The following ITGB6 variants were observed in gnomAD, a reference collection of about 807,000 sequenced individuals.
The protein encoded by ITGB6 is integrin beta-6.
Under a neutral mutation model 84.5 loss-of-function variants are expected in ITGB6, and 80 were observed. The ratio of observed to expected loss-of-function variants is 0.95; its 90% CI spans 0.79 to 1.14. The LOEUF (loss-of-function observed/expected upper bound fraction) is 1.14. Among genes scored for constraint, ITGB6 ranks in the 50% most tolerant of loss-of-function variants. The pLI is 0.00. For synonymous variants in ITGB6, 383 were observed against 354.9 expected, an observed-to-expected ratio of 1.08 and a Z score of -0.89; for missense variants, 1,006 against 968.0, an observed-to-expected ratio of 1.04 and a Z score of -0.52.
intron 4 of ITGB6, among the ~76,000 whole-genome samples, chr2:160,178,688 CTTTT>C (rs746675372): frequency 2.3e-4 from 24 of 103,740 alleles, no homozygotes; most frequent in Admixed American, 2.1e-3. Flanking sequence ...CTCTCTCTCT[CTTTT>C]TTTTTTTTTT....
At chr2:160,191,075 T>C (rs1050420931) in intron 4 of ITGB6, among the ~76,000 whole-genome samples, 3 of 152,142 alleles carry the variant, frequency 2.0e-5, no homozygotes, top group Non-Finnish European at 4.4e-5. Context: ...ATTTTAAAAA[T>C]GGGGCCAAAA....
intron 10 of ITGB6, among the ~76,000 whole-genome samples, chr2:160,130,915 A>G (rs1395853806): frequency 6.6e-6 from 1 of 152,180 alleles, no homozygotes; most frequent in African/African-American, 2.4e-5. Context: ...TCCTTCCTGG[A>G]GCAGTAGAAA....
At chr2:160,117,901 A>T (rs565291216) in intron 12 of ITGB6, among the ~76,000 whole-genome samples, 63 of 152,340 alleles carry the variant, frequency 4.1e-4, no homozygotes, top group Admixed American at 2.2e-3. Context: ...ATGCAAATAA[A>T]CTGGAAAATC....
intron 7 of ITGB6, among the ~76,000 whole-genome samples, chr2:160,146,647 G>T (rs1479755431): frequency 1.3e-5 from 2 of 152,020 alleles, no homozygotes; most frequent in Non-Finnish European, 2.9e-5. Flanking sequence ...TTAGCCAGCG[G>T]CTAGCATTCT....
At chr2:160,114,516 G>T (rs1205886062) in intron 12 of ITGB6, among the ~76,000 whole-genome samples, 1 of 152,104 alleles carries the variant, frequency 6.6e-6, no homozygotes, top group African/African-American at 2.4e-5. Context: ...ATACAAAGCA[G>T]GGGGGTGGAG....
chr2:160,134,231 T>C (rs1683606984), intron 10 of ITGB6, among the ~76,000 whole-genome samples: 1 of 152,176 alleles, frequency 6.6e-6, no homozygotes, highest in African/African-American at 2.4e-5. Flanking sequence ...ATATCACCAC[T>C]GATCCCACAG....
intron 10 of ITGB6, among the ~76,000 whole-genome samples, chr2:160,134,375 T>G (rs549351464): frequency 7.2e-5 from 11 of 152,312 alleles, no homozygotes; most frequent in African/African-American, 2.6e-4. Flanking sequence ...AATCTCTGAA[T>G]AGACCAATAA....
rs563005865 is a variant in ITGB6, at chr2:160,195,655, A to T, written c.347-40T>A. 5.6e-6 allele frequency: 9 copies of T among 1,609,832 alleles called. No individual in the cohort carries two copies. The East Asian group carries it at 2.0e-4, about 36-fold the overall frequency. ...AGGAAAAGCAAACCCAGGAAAACACACTGAGATTTATTTGCTACTGGCCAC... is the reference window on the plus strand; with the variant it reads ...AGGAAAAGCAAACCCAGGAAAACACTCTGAGATTTATTTGCTACTGGCCAC... On this transcript the variant is annotated intron_variant, in intron 3 of 14. Coordinates refer to ENST00000283249, the MANE Select transcript of ITGB6 (RefSeq NM_000888.5).
chr2:160,134,882 T>C (rs949084673), intron 10 of ITGB6, among the ~76,000 whole-genome samples: 1 of 152,086 alleles, frequency 6.6e-6, no homozygotes, highest in African/African-American at 2.4e-5. Context: ...TCTCAATAAA[T>C]TAGGTATTGA....
chr2:160,193,989 A>G (rs1574148020), intron 4 of ITGB6, among the ~76,000 whole-genome samples: 1 of 152,090 alleles, frequency 6.6e-6, no homozygotes, highest in Non-Finnish European at 1.5e-5. Flanking sequence ...AAACCCAGTC[A>G]CTACTAAAAA....
rs1684842027 is a variant in ITGB6 at position 160,162,145 on chromosome 2, C to G, written c.1017+7067G>C. 3.3e-5 allele frequency among the ~76,000 whole-genome samples: 5 copies of G among 152,084 alleles called. 1 individual carries two copies. Among genetic ancestry groups the G allele is most frequent in the Admixed American group, 3.3e-4 (5 of 15,264 alleles). ...CAATAGATAAATTCTCTATAAATGG[C>G]AGAGTGCTTCAAGTGCTTAATGCCA... On this transcript the variant is annotated intron_variant, in intron 7 of 14. Transcript: ENST00000283249.
Position 160,150,299 on chromosome 2 carries a change from T to C in ITGB6, c.1018-8228A>G, listed in dbSNP as rs541869048. ...CAAGCCAGAAGAGAGTGGGGGCCAATATTCAACATCCTTAAAGAAAAGAAT... is the reference window on the plus strand; with the variant it reads ...CAAGCCAGAAGAGAGTGGGGGCCAACATTCAACATCCTTAAAGAAAAGAAT... On this transcript the variant is annotated intron_variant, in intron 7 of 14. Coordinates refer to ENST00000283249, the MANE Select transcript of ITGB6 (RefSeq NM_000888.5). Among the ~76,000 whole-genome samples the C allele has an allele frequency of 5.3e-5, 8 of 152,286 alleles. No individual in the cohort carries two copies. In the East Asian group the frequency reaches 1.5e-3, roughly 29 times the overall value.
chr2:160,174,069 T>G lies in ITGB6; in HGVS notation c.664A>C (p.Arg222=), dbSNP rs1685319266. ...TGATTCTTCACAATTTCATTGAATC[T>G]TTCAGCATCATTTGTCAATGGCAAA... The part of the protein sequence containing the change: ...HILPLTNDAE[R]FNEIVKNQKI... Residue 222 remains arginine (R), a synonymous_variant, in exon 5 of 15, where the codon AGA becomes CGA. Coordinates refer to ENST00000283249, the MANE Select transcript of ITGB6 (RefSeq NM_000888.5). The G allele has an allele frequency of 2.5e-6, 4 of 1,613,292 alleles. No homozygotes were observed. The East Asian group carries it at 8.9e-5, about 36-fold the overall frequency.
rs557230094 is a variant in ITGB6 at position 160,137,778 on chromosome 2, C to T, written c.1316G>A (p.Gly439Glu). The change falls in exon 10 of 15, where the codon GGG becomes GAG. Residue 439 changes from glycine to glutamate, a missense_variant. Physicochemically the swap from Gly to Glu is moderately conservative, Grantham distance 98. Coordinates refer to ENST00000283249, the MANE Select transcript of ITGB6 (RefSeq NM_000888.5). Reference protein sequence around the residue: ...RSRHIIIKPVGLGDALELLVS... With the variant: ...RSRHIIIKPVELGDALELLVS... ...AAGTAATTCCAGGGCATCCCCCAGC[C>T]CCACAGGCTTTATGATAATGTGCCT... The T allele has an allele frequency of 6.2e-7, 1 of 1,614,184 alleles. No individual in the cohort carries two copies. The highest frequency in any genetic ancestry group is 1.1e-5 in the South Asian group (1 of 91,076).
At position 160,112,074 on chromosome 2, in the gene ITGB6, AC is replaced by A. The variant is rs1294098533; in HGVS notation, c.2101+5del. ...TGCCATCGGCAATGGAAGGCAAAAC[AC>A]CCACCTTTTTCATTGATGCTGTGAA... On this transcript the variant is annotated splice_donor_5th_base_variant and intron_variant, in intron 13 of 14. Coordinates refer to ENST00000283249, the MANE Select transcript of ITGB6 (RefSeq NM_000888.5). The A allele has an allele frequency of 3.1e-6, 5 of 1,611,796 alleles. No individual in the cohort carries two copies. The highest frequency in any genetic ancestry group is 3.4e-5 in the Admixed American group (2 of 59,160).
intron 12 of ITGB6, among the ~76,000 whole-genome samples, chr2:160,119,641 G>T (rs936536074): frequency 7.9e-5 from 12 of 152,134 alleles, no homozygotes; most frequent in African/African-American, 2.7e-4. Context: ...AAAAGCAATG[G>T]CAACAAAAGT....
intron 12 of ITGB6, among the ~76,000 whole-genome samples, chr2:160,121,111 A>G (rs1156780737): frequency 6.6e-6 from 1 of 152,192 alleles, no homozygotes; most frequent in Non-Finnish European, 1.5e-5. Flanking sequence ...CATCTGCACC[A>G]CTGAGTCAAG....
Position 160,155,210 on chromosome 2 carries a change from G to T in ITGB6, c.1018-13139C>A, listed in dbSNP as rs548463947. Among the ~76,000 whole-genome samples, 23 of 152,260 alleles carry T rather than the reference G, an allele frequency of 1.5e-4. No individual in the cohort carries two copies. In the South Asian group the frequency reaches 4.6e-3, roughly 30 times the overall value. On this transcript the variant is annotated intron_variant, in intron 7 of 14. Transcript: ENST00000283249. ...AGTTCTCTATAGCAATGTGAGAACA[G>T]ACTAATACAGTAGTATTTTGACCAT... is the stretch of plus-strand genomic sequence containing the variant.
At chr2:160,188,934 G>A (rs945102409) in intron 4 of ITGB6, among the ~76,000 whole-genome samples, 7 of 151,944 alleles carry the variant, frequency 4.6e-5, no homozygotes, top group African/African-American at 7.3e-5. Flanking sequence ...GAGGCATCAC[G>A]CTACCGGACT....
Sources: allele counts gnomAD v4.1 joint callset (sites outside exome capture counted in the v4.1 genomes callset), GRCh38; gene constraint gnomAD v4.1.1; transcripts MANE v1.5; gene names NCBI Gene and HGNC (gene_info 2026-07-23, HGNC 2026-07-21).